DISP1: variants seen among roughly 807,000 people sequenced by gnomAD.
The protein encoded by DISP1 is protein dispatched homolog 1.
DISP1 carries 30 observed loss-of-function variants against 37.3 expected under a neutral mutation model. The observed-to-expected ratio is 0.80, with a 90% CI of 0.60 to 1.09. DISP1 has a LOEUF of 1.09. DISP1 is among the 50% of genes least tolerant of loss of function. The pLI is 0.00. For synonymous variants in DISP1, 634 were observed against 690.2 expected (o/e 0.92, Z 1.28); for missense variants, 1,598 against 1,879.5 (o/e 0.85, Z 2.77).
At chr1:222,900,802 T>C (rs1671534556) in intron 1 of DISP1, among the ~76,000 whole-genome samples, 1 of 152,216 alleles carries the variant, frequency 6.6e-6, no homozygotes, top group African/African-American at 2.4e-5. Context: ...TTTACTAATA[T>C]ATGAACAGAG....
In DISP1 at chr1:222,871,107, G is replaced by A. The variant is rs973806860; in HGVS notation, c.-159+56029G>A. Among the ~76,000 whole-genome samples the A allele has an allele frequency of 6.6e-5, 10 of 151,944 alleles. No homozygotes were observed. The South Asian group carries it at 1.0e-3, about 16-fold the overall frequency. On this transcript the variant is annotated intron_variant, in intron 1 of 8. Coordinates refer to ENST00000675850, the MANE Select transcript of DISP1 (RefSeq NM_001377229.1). ...TCAAAGATCAGATAGTTGTAGATACGCGGCATTATTTCTAAGGGCTCTGTT... is the reference window on the plus strand; with the variant it reads ...TCAAAGATCAGATAGTTGTAGATACACGGCATTATTTCTAAGGGCTCTGTT...
At position 222,963,365 on chromosome 1, in the gene DISP1, G is replaced by A. The variant is rs539873807; in HGVS notation, c.510-19715G>A. ...CAACCATTGTGGAAGACGGTATGGC[G>A]ATTCCTCAAGGATCTAAAACCAGAA... On this transcript the variant is annotated intron_variant, in intron 3 of 8. Coordinates refer to ENST00000675850, the MANE Select transcript of DISP1 (RefSeq NM_001377229.1). Among the ~76,000 whole-genome samples the A allele has an allele frequency of 3.9e-5, 6 of 152,264 alleles. No homozygotes were observed. The South Asian group carries it at 1.0e-3, about 26-fold the overall frequency.
At chr1:222,991,375 G>A (rs1251935071) in intron 5 of DISP1, 145 bp from the exon 6 acceptor site, 5 of 918,386 alleles carry the variant, frequency 5.4e-6, no homozygotes, top group Middle Eastern at 2.3e-4. Flanking sequence ...TTTTAATGCA[G>A]TCACCTCTGG....
intron 1 of DISP1, among the ~76,000 whole-genome samples, chr1:222,906,122 T>A (rs35319551): frequency 0.15 from 22,625 of 152,020 alleles, 2,025 homozygotes; most frequent in East Asian, 0.3. Context: ...TACTTTTTTT[T>A]AAAAACCTGC....
At chr1:222,988,053 G>C (rs1417855467) in intron 4 of DISP1, among the ~76,000 whole-genome samples, 2 of 152,198 alleles carry the variant, frequency 1.3e-5, no homozygotes, top group African/African-American at 2.4e-5. Flanking sequence ...AAAGCTTCTA[G>C]ACACTTGGTG....
chr1:222,993,818 C>G (rs1261269667), intron 7 of DISP1, among the ~76,000 whole-genome samples: 2 of 152,162 alleles, frequency 1.3e-5, no homozygotes, highest in Non-Finnish European at 2.9e-5. Context: ...TAGATTCTGC[C>G]TTGACTAAAG....
intron 3 of DISP1, among the ~76,000 whole-genome samples, chr1:222,978,925 C>A (rs1216293827): frequency 6.6e-6 from 1 of 152,072 alleles, no homozygotes; most frequent in Admixed American, 6.6e-5. Flanking sequence ...TTACTGTAGC[C>A]TTGTAGTATA....
chr1:222,848,206 CTGTT>C (rs753383637), intron 1 of DISP1, among the ~76,000 whole-genome samples: 7 of 151,904 alleles, frequency 4.6e-5, no homozygotes, highest in Non-Finnish European at 1.0e-4. Context: ...TTCTTTTTAT[CTGTT>C]TGTTTTTTAA....
At chr1:222,936,670 TATATATA>T (rs1450635910) in intron 2 of DISP1, among the ~76,000 whole-genome samples, 1 of 92,786 alleles carries the variant, frequency 1.1e-5, no homozygotes, top group Admixed American at 1.5e-4. Flanking sequence ...ATATATGAGG[TATATATA>T]ATATATAAAA....
chr1:222,864,444 G>A (rs889460807), intron 1 of DISP1, among the ~76,000 whole-genome samples: 1 of 151,408 alleles, frequency 6.6e-6, no homozygotes, highest in Non-Finnish European at 1.5e-5. Flanking sequence ...ATATATTTTT[G>A]AACCACCTGA....
intron 1 of DISP1, among the ~76,000 whole-genome samples, chr1:222,881,556 A>G (rs1053438486): frequency 6.6e-6 from 1 of 152,200 alleles, no homozygotes; most frequent in Non-Finnish European, 1.5e-5. Context: ...AGGAAGTATT[A>G]ATAACAAGAT....
At chr1:222,840,923 T>G (rs952546201) in intron 1 of DISP1, among the ~76,000 whole-genome samples, 2 of 152,174 alleles carry the variant, frequency 1.3e-5, no homozygotes, top group African/African-American at 4.8e-5. Flanking sequence ...AGTTATACCA[T>G]TTAGTTAAAT....
intron 1 of DISP1, among the ~76,000 whole-genome samples, chr1:222,844,930 T>A (rs970775131): frequency 6.6e-6 from 1 of 152,128 alleles, no homozygotes; most frequent in Non-Finnish European, 1.5e-5. Flanking sequence ...AGGATGGGTA[T>A]TGCTGGGCAA....
chr1:222,987,257 G>A (rs1572705109), intron 4 of DISP1, among the ~76,000 whole-genome samples: 1 of 152,306 alleles, frequency 6.6e-6, no homozygotes, highest in East Asian at 1.9e-4. Flanking sequence ...TAGATAGCAG[G>A]AGGAGTAGAA....
In DISP1 at chr1:222,903,211, C is replaced by T. The variant is rs575184426; in HGVS notation, c.-158-25219C>T. On this transcript the variant is annotated intron_variant, in intron 1 of 8. Coordinates refer to ENST00000675850, the MANE Select transcript of DISP1 (RefSeq NM_001377229.1). ...ACTATCGCAAGGACAAAAAACCAAA[C>T]ACCACATGTTCTCACTCATAGGTGG... Among the ~76,000 whole-genome samples the T allele has an allele frequency of 2.7e-3, 397 of 149,304 alleles. 1 individual carries two copies. Among genetic ancestry groups the T allele is most frequent in the Middle Eastern group, 0.017 (5 of 288 alleles).
intron 1 of DISP1, among the ~76,000 whole-genome samples, chr1:222,889,854 A>G (rs1670845569): frequency 6.6e-6 from 1 of 152,124 alleles, no homozygotes; most frequent in Non-Finnish European, 1.5e-5. Context: ...GAAGTTCTGT[A>G]TTTTTATTCT....
In DISP1 at chr1:222,839,930, C is replaced by CA. The variant is rs113532897; in HGVS notation, c.-159+24865dup. 3.7e-3 allele frequency among the ~76,000 whole-genome samples: 540 copies of CA among 145,564 alleles called. 3 individuals carry two copies. The highest frequency in any genetic ancestry group is 0.017 in the South Asian group (78 of 4,486). On this transcript the variant is annotated intron_variant, in intron 1 of 8. Coordinates refer to ENST00000675850, the MANE Select transcript of DISP1 (RefSeq NM_001377229.1). ...CCTGGGTAACAGAGCAAGACTGTCTCAAAAAAAAAAAAATGCATTTAGTAC... is the reference window on the plus strand; with the variant it reads ...CCTGGGTAACAGAGCAAGACTGTCTCAAAAAAAAAAAAAATGCATTTAGTAC...
chr1:222,900,827 TAA>T (rs1671536364), intron 1 of DISP1, among the ~76,000 whole-genome samples: 1 of 152,212 alleles, frequency 6.6e-6, no homozygotes, highest in Non-Finnish European at 1.5e-5. Flanking sequence ...GAGTGGGAGC[TAA>T]AGTTAGGTAC....
intron 3 of DISP1, chr1:222,979,788 G>A: frequency 2.7e-6 from 1 of 366,872 alleles, no homozygotes; most frequent in Admixed American, 3.0e-5. Context: ...GAGCGCTGCA[G>A]GTCAGGAGGC....
Sources: gnomAD v4.1 joint callset for allele counts (sites outside exome capture counted in the v4.1 genomes callset) on GRCh38, gnomAD v4.1.1 for gene constraint, MANE v1.5 for transcripts, NCBI Gene and HGNC (gene_info 2026-07-23, HGNC 2026-07-21) for gene names.